SPIRE1: variants seen among roughly 807,000 people sequenced by gnomAD.
SPIRE1 encodes the protein spire type actin nucleation factor 1, also known as protein spire homolog 1.
A neutral mutation model predicts 94.1 loss-of-function variants in SPIRE1; 40 were observed. The ratio of observed to expected loss-of-function variants is 0.43; its 90% CI spans 0.33 to 0.55. The LOEUF (loss-of-function observed/expected upper bound fraction) is 0.55. SPIRE1 is among the 20% of genes least tolerant of loss of function. The pLI is 0.06. For synonymous variants in SPIRE1, 376 were observed against 371.7 expected (o/e 1.01, Z -0.13); for missense variants, 838 against 975.2 (o/e 0.86, Z 1.87).
chr18:12,512,498 C>A lies in SPIRE1; in HGVS notation c.763G>T (p.Asp255Tyr). The A allele has an allele frequency of 1.2e-6, 2 of 1,612,218 alleles. No individual in the cohort carries two copies. Among genetic ancestry groups the A allele is most frequent in the South Asian group, 2.2e-5 (2 of 90,854 alleles). ...LKKIQEMEKS[D>Y]ESSTDLEELK... ...TCTTCCAAGTCTGTGCTAGATTCAT[C>A]GCTCTTTTCCATTTCTTGAATCTTC... is the stretch of plus-strand genomic sequence containing the variant. Residue 255 changes from aspartate (D) to tyrosine (Y), a missense_variant, in exon 5 of 17, where the codon GAT becomes TAT. Asp to Tyr is a radical substitution (Grantham distance 160, BLOSUM62 -3). Coordinates refer to ENST00000409402, the MANE Select transcript of SPIRE1 (RefSeq NM_001128626.2).
Position 12,480,354 on chromosome 18 carries a change from T to A in SPIRE1, c.1232-483A>T, listed in dbSNP as rs75525390. Among the ~76,000 whole-genome samples the A allele has an allele frequency of 3.9e-4, 60 of 152,320 alleles. No homozygotes were observed. In the East Asian group the frequency reaches 0.011, roughly 27 times the overall value. ...GTGAACACAAAAAGTCTGGGATACA[T>A]TTCCTCTGATGAGTCTGATTTATAT... On this transcript the variant is annotated intron_variant, in intron 9 of 16. Transcript: ENST00000409402.
At chr18:12,546,631 C>T (rs1306195415) in intron 3 of SPIRE1, 43 bp downstream of exon 3, 21 of 1,427,954 alleles carry the variant, frequency 1.5e-5, no homozygotes, top group Non-Finnish European at 1.9e-5. Flanking sequence ...GAAGAAATAA[C>T]AACTCTTGAA....
chr18:12,531,927 T>C (rs2034694530), intron 4 of SPIRE1, among the ~76,000 whole-genome samples: 1 of 152,210 alleles, frequency 6.6e-6, no homozygotes, highest in South Asian at 2.1e-4. Flanking sequence ...TATGGTGGTG[T>C]CACTGGCAGC....
chr18:12,554,469 T>G (rs1042566336), intron 2 of SPIRE1, among the ~76,000 whole-genome samples: 2 of 151,982 alleles, frequency 1.3e-5, no homozygotes, highest in African/African-American at 2.4e-5. Context: ...CCTGAACAGA[T>G]AAATAATAAG....
chr18:12,528,929 A>G (rs541503429), intron 4 of SPIRE1, among the ~76,000 whole-genome samples: 1 of 152,348 alleles, frequency 6.6e-6, no homozygotes, highest in Admixed American at 6.5e-5. Context: ...ACACTGGGAT[A>G]TAACAGTGAA....
intron 6 of SPIRE1, among the ~76,000 whole-genome samples, chr18:12,498,451 T>G (rs1235482631): frequency 6.6e-6 from 1 of 152,204 alleles, no homozygotes; most frequent in Non-Finnish European, 1.5e-5. Flanking sequence ...TTTCACCATG[T>G]TGGCCAGGCT....
chr18:12,575,365 T>G (rs902280550), intron 2 of SPIRE1, among the ~76,000 whole-genome samples: 2 of 151,966 alleles, frequency 1.3e-5, no homozygotes, highest in Non-Finnish European at 2.9e-5. Flanking sequence ...CCCTGAATAT[T>G]TATTTATTTA....
intron 2 of SPIRE1, among the ~76,000 whole-genome samples, chr18:12,582,999 A>G (rs2036298245): frequency 6.6e-6 from 1 of 152,206 alleles, no homozygotes; most frequent in South Asian, 2.1e-4. Flanking sequence ...CTAAAGGTGG[A>G]TATCTGCTTT....
intron 6 of SPIRE1, 29 bp downstream of exon 6, chr18:12,506,448 A>G (rs1354225268): frequency 1.9e-6 from 3 of 1,610,012 alleles, no homozygotes; most frequent in South Asian, 1.1e-5. Context: ...AGTGAGCCAC[A>G]TGCCCGGCCT....
chr18:12,654,795 C>T (rs888437142), intron 1 of SPIRE1, among the ~76,000 whole-genome samples: 6 of 152,038 alleles, frequency 3.9e-5, no homozygotes, highest in African/African-American at 9.7e-5. Flanking sequence ...TTTGGGAGGC[C>T]GAGGCAGGCG....
At chr18:12,634,084 T>C (rs1481311417) in intron 2 of SPIRE1, among the ~76,000 whole-genome samples, 1 of 151,756 alleles carries the variant, frequency 6.6e-6, no homozygotes, top group African/African-American at 2.4e-5. Context: ...CTGTCTCTAC[T>C]AAAAATACAA....
At chr18:12,500,852 C>A (rs879437522) in intron 6 of SPIRE1, among the ~76,000 whole-genome samples, 2 of 152,036 alleles carry the variant, frequency 1.3e-5, no homozygotes, top group Admixed American at 1.3e-4. Flanking sequence ...GAGGGCAGAT[C>A]ACCTGAGGTC....
chr18:12,611,832 T>G (rs1186098748), intron 2 of SPIRE1, among the ~76,000 whole-genome samples: 2 of 99,918 alleles, frequency 2.0e-5, no homozygotes, highest in Non-Finnish European at 2.6e-5. Flanking sequence ...TTAAGCTACT[T>G]TTCTTTTTTT....
intron 10 of SPIRE1, among the ~76,000 whole-genome samples, chr18:12,476,905 TC>T (rs1440696256): frequency 1.3e-5 from 2 of 152,136 alleles, no homozygotes; most frequent in Admixed American, 1.3e-4. Context: ...CTATGATTCA[TC>T]CGGGTTTAAA....
Position 12,635,407 on chromosome 18 carries a change from T to C in SPIRE1, c.338-311A>G, listed in dbSNP as rs186841147. On this transcript the variant is annotated intron_variant, in intron 1 of 16. Coordinates refer to ENST00000409402, the MANE Select transcript of SPIRE1 (RefSeq NM_001128626.2). ...AACAAAAACATTTGAAAGTCTTGCTTTCTTTTAAGAAACACCTTAAAATAC... is the reference window on the plus strand; with the variant it reads ...AACAAAAACATTTGAAAGTCTTGCTCTCTTTTAAGAAACACCTTAAAATAC... 7.6e-4 allele frequency among the ~76,000 whole-genome samples: 116 copies of C among 151,960 alleles called. 2 individuals are homozygous for C. The East Asian group carries it at 0.019, about 24-fold the overall frequency.
intron 2 of SPIRE1, among the ~76,000 whole-genome samples, chr18:12,562,845 C>A (rs1370330533): frequency 6.6e-6 from 1 of 151,916 alleles, no homozygotes; most frequent in Non-Finnish European, 1.5e-5. Flanking sequence ...AACACAACTT[C>A]TAAGATTATA....
chr18:12,464,155 C>T (rs1034856998), intron 11 of SPIRE1, among the ~76,000 whole-genome samples: 1 of 152,020 alleles, frequency 6.6e-6, no homozygotes, highest in Non-Finnish European at 1.5e-5. Context: ...TTAGACTGTC[C>T]CACCATGAGA....
intron 13 of SPIRE1, among the ~76,000 whole-genome samples, chr18:12,453,677 G>A (rs1289603610): frequency 3.9e-5 from 6 of 152,052 alleles, no homozygotes; most frequent in African/African-American, 7.2e-5. Flanking sequence ...CTTGTGATCC[G>A]CCTGCCTAGG....
chr18:12,632,260 C>T (rs1300215399), intron 2 of SPIRE1, among the ~76,000 whole-genome samples: 1 of 152,154 alleles, frequency 6.6e-6, no homozygotes, highest in Admixed American at 6.5e-5. Flanking sequence ...CTGAGCAGCA[C>T]TACTCCAGAC....
Sources: gnomAD v4.1 joint callset for allele counts (sites outside exome capture counted in the v4.1 genomes callset) on GRCh38, gnomAD v4.1.1 for gene constraint, MANE v1.5 for transcripts, NCBI Gene and HGNC (gene_info 2026-07-23, HGNC 2026-07-21) for gene names.